NAALADL2: variants seen among roughly 807,000 people sequenced by gnomAD.
NAALADL2 encodes N-acetylated alpha-linked acidic dipeptidase like 2.
Under a neutral mutation model 87.2 loss-of-function variants are expected in NAALADL2, and 76 were observed. The ratio of observed to expected loss-of-function variants is 0.87; its 90% confidence interval spans 0.72 to 1.05. The LOEUF (loss-of-function observed/expected upper bound fraction) is 1.05, where lower values mean the gene tolerates loss of function less well. NAALADL2 is among the 50% of genes least tolerant of loss of function. The pLI is 0.00. For synonymous variants in NAALADL2, 354 were observed against 331.0 expected (o/e 1.07, Z -0.75); for missense variants, 1,089 against 945.8 (o/e 1.15, Z -1.99).
At chr3:175,279,108 G>A (rs1753958214) in intron 4 of NAALADL2, among the ~76,000 whole-genome samples, 1 of 152,116 alleles carries the variant, frequency 6.6e-6, no homozygotes, top group Admixed American at 6.5e-5. Context: ...GCTGTATTTT[G>A]TTCAAAGAAG....
chr3:174,752,121 G>C (rs1734893845), intron 3 of NAALADL2, among the ~76,000 whole-genome samples: 1 of 151,984 alleles, frequency 6.6e-6, no homozygotes, highest in Non-Finnish European at 1.5e-5. Context: ...GGGACTATAG[G>C]CGCCCGCCAC....
intron 5 of NAALADL2, among the ~76,000 whole-genome samples, chr3:175,338,622 A>AAC (rs202022603): frequency 0.064 from 5,664 of 88,298 alleles, 297 homozygotes; most frequent in African/African-American, 0.083. Context: ...AAACACCACA[A>AAC]ACACACACAC....
At chr3:175,685,060 G>A (rs557046373) in intron 11 of NAALADL2, among the ~76,000 whole-genome samples, 3 of 152,142 alleles carry the variant, frequency 2.0e-5, no homozygotes, top group Non-Finnish European at 4.4e-5. Context: ...CTCCTGGCAT[G>A]GTTAACTCTT....
At chr3:175,070,053 C>T in intron 1 of NAALADL2, among the ~76,000 whole-genome samples, 1 of 149,476 alleles carries the variant, frequency 6.7e-6, no homozygotes, top group Non-Finnish European at 1.5e-5. Context: ...AGGAGATATA[C>T]CTAATGCTAA....
In NAALADL2 at chr3:174,829,099, TG is replaced by T. The variant is rs779857264; in HGVS notation, c.-9+91354del. On this transcript the variant is annotated intron_variant, in intron 3 of 3. Transcript: ENST00000434257. ...TTCAGGTATTACATCTGTTTTTTTT[TG>T]TTGTTGTTGTTGTTGTTGTTGTTTT... 6.5e-3 allele frequency among the ~76,000 whole-genome samples: 673 copies of T among 103,024 alleles called. 3 individuals are homozygous for T. Among genetic ancestry groups the T allele is most frequent in the East Asian group, 0.044 (79 of 1,808 alleles). The allele number at this position is 103,024 out of a possible 152,430, so 67.6% of individuals were successfully genotyped here.
intron 1 of NAALADL2, among the ~76,000 whole-genome samples, chr3:174,522,772 A>C (rs1720391383): frequency 6.6e-6 from 1 of 151,680 alleles, no homozygotes; most frequent in South Asian, 2.1e-4. Flanking sequence ...GTCTCTACTA[A>C]AAAATACAAA....
rs139017669 is a variant in NAALADL2, at chr3:174,781,006, T to G, written c.-9+43260T>G. 2.4e-4 allele frequency among the ~76,000 whole-genome samples: 36 copies of G among 152,232 alleles called. 1 individual carries two copies. In the East Asian group the frequency reaches 6.6e-3, roughly 28 times the overall value. On this transcript the variant is annotated intron_variant, in intron 3 of 3. Transcript: ENST00000434257. ...CAAAATCTCTCAGCATTTGCTTGTC[T>G]GTAAAGGATTTTATTTCTCCTTCCC...
At chr3:174,596,602 G>T (rs758868912) in intron 2 of NAALADL2, among the ~76,000 whole-genome samples, 1 of 152,160 alleles carries the variant, frequency 6.6e-6, no homozygotes, top group Non-Finnish European at 1.5e-5. Context: ...TCTCAGAACT[G>T]CACCTCAAGA....
At chr3:174,469,276 T>C (rs76710249) in intron 1 of NAALADL2, among the ~76,000 whole-genome samples, 2 of 151,700 alleles carry the variant, frequency 1.3e-5, no homozygotes, top group East Asian at 3.9e-4. Context: ...CTTTTTTTTT[T>C]TGAGACAGTC....
chr3:175,779,996 C>T (rs1006353585), intron 13 of NAALADL2, among the ~76,000 whole-genome samples: 48 of 151,858 alleles, frequency 3.2e-4, no homozygotes, highest in Middle Eastern at 3.4e-3. Context: ...GGGCCGGGCG[C>T]GGTGGCTCAC....
chr3:174,698,406 G>A (rs1054951980), intron 2 of NAALADL2, among the ~76,000 whole-genome samples: 14 of 152,164 alleles, frequency 9.2e-5, no homozygotes, highest in African/African-American at 3.4e-4. Flanking sequence ...TCAGGATTTT[G>A]AAGATAATAT....
chr3:174,581,941 TTTGTTTCTGTAGCA>T (rs1716208194), intron 2 of NAALADL2, among the ~76,000 whole-genome samples: 1 of 152,230 alleles, frequency 6.6e-6, no homozygotes. Context: ...TTGGAAGTTG[TTTGTTTCTGTAGCA>T]CAATTAATTC....
chr3:175,497,096 C>T (rs568732269), intron 9 of NAALADL2, among the ~76,000 whole-genome samples: 3 of 152,112 alleles, frequency 2.0e-5, no homozygotes, highest in East Asian at 1.9e-4. Flanking sequence ...TTTTTAGAGA[C>T]AGGTTCTCAC....
chr3:175,080,982 A>G (rs1049713100), intron 1 of NAALADL2: 4 of 152,206 alleles, frequency 2.6e-5, no homozygotes, highest in African/African-American at 9.6e-5. Flanking sequence ...GCAATAGAAG[A>G]GCCTGGAGCA....
At chr3:175,086,986 T>C (rs1247766835) in intron 1 of NAALADL2, among the ~76,000 whole-genome samples, 1 of 152,130 alleles carries the variant, frequency 6.6e-6, no homozygotes, top group Non-Finnish European at 1.5e-5. Flanking sequence ...GAAAGAATAA[T>C]TATGTTACTT....
chr3:174,714,082 G>C (rs1253234231), intron 2 of NAALADL2, among the ~76,000 whole-genome samples: 4 of 151,982 alleles, frequency 2.6e-5, no homozygotes, highest in Admixed American at 6.6e-5. Flanking sequence ...TCTTGTTTTT[G>C]TCAGGTTTGT....
intron 1 of NAALADL2, among the ~76,000 whole-genome samples, chr3:175,029,858 A>C (rs1174460032): frequency 6.6e-6 from 1 of 152,074 alleles, no homozygotes; most frequent in Non-Finnish European, 1.5e-5. Context: ...GAGTGTTCCA[A>C]AGATTTCTTT....
intron 2 of NAALADL2, among the ~76,000 whole-genome samples, chr3:175,213,638 T>G (rs1436912618): frequency 2.6e-5 from 4 of 152,174 alleles, no homozygotes; most frequent in Admixed American, 6.6e-5. Context: ...GATGGTGAAC[T>G]GAGCACTGGA....
intron 1 of NAALADL2, among the ~76,000 whole-genome samples, chr3:174,878,558 C>T (rs927505635): frequency 1.3e-5 from 2 of 152,054 alleles, no homozygotes; most frequent in African/African-American, 4.8e-5. Context: ...TTATATTGCT[C>T]TGCACCTAAT....
Sources: gnomAD v4.1 joint callset for allele counts (sites outside exome capture counted in the v4.1 genomes callset) on GRCh38, gnomAD v4.1.1 for gene constraint, MANE v1.5 for transcripts, NCBI Gene and HGNC (gene_info 2026-07-23, HGNC 2026-07-21) for gene names.